CACNA2D1: variants seen among roughly 807,000 people sequenced by gnomAD.
CACNA2D1 encodes the protein voltage-dependent calcium channel subunit alpha-2/delta-1.
Under a neutral mutation model 171.5 loss-of-function variants are expected in CACNA2D1, and 53 were observed. The ratio of observed to expected loss-of-function variants is 0.31; its 90% CI spans 0.25 to 0.39. CACNA2D1 has a LOEUF of 0.39. Ranked by LOEUF, CACNA2D1 falls within the 10% of genes least tolerant of loss-of-function variation. The pLI is 1.00. For missense variants in CACNA2D1, 903 were observed against 1,299.8 expected, an observed-to-expected ratio of 0.69 and a Z score of 4.69; for synonymous variants, 442 against 443.1, an observed-to-expected ratio of 1.00 and a Z score of 0.03.
chr7:82,053,776 T>A (rs1805494917), intron 10 of CACNA2D1, among the ~76,000 whole-genome samples: 1 of 152,202 alleles, frequency 6.6e-6, no homozygotes, highest in African/African-American at 2.4e-5. Context: ...TTAATGGAGG[T>A]ATTTTAATAA....
chr7:82,303,097 C>A (rs1302983745), intron 3 of CACNA2D1, among the ~76,000 whole-genome samples: 1 of 151,906 alleles, frequency 6.6e-6, no homozygotes, highest in African/African-American at 2.4e-5. Context: ...GGGTTCATGC[C>A]ATTCTCCCGC....
At chr7:82,428,402 C>T (rs1267039028) in intron 1 of CACNA2D1, among the ~76,000 whole-genome samples, 1 of 152,110 alleles carries the variant, frequency 6.6e-6, no homozygotes, top group Admixed American at 6.6e-5. Context: ...AGCAAGGAAC[C>T]ATCTGTTGCA....
rs530395454 is a variant in CACNA2D1, at chr7:82,079,389, G to A, written c.658+5380C>T. On this transcript the variant is annotated intron_variant, in intron 7 of 38. Coordinates refer to ENST00000356860, the MANE Select transcript of CACNA2D1 (RefSeq NM_000722.4). ...CTGATTCAAGAATATAATTACTGTGGAATCTAAAAAAGTCTATCTTAGCTG... is the reference window on the plus strand; with the variant it reads ...CTGATTCAAGAATATAATTACTGTGAAATCTAAAAAAGTCTATCTTAGCTG... 2.6e-5 allele frequency among the ~76,000 whole-genome samples: 4 copies of A among 152,068 alleles called. No homozygotes were observed. In the South Asian group the frequency reaches 6.2e-4, roughly 24 times the overall value.
chr7:82,106,276 C>T (rs772658806), intron 6 of CACNA2D1, among the ~76,000 whole-genome samples: 2 of 152,120 alleles, frequency 1.3e-5, no homozygotes, highest in Admixed American at 6.5e-5. Context: ...ATCTCAAATT[C>T]CAGACCCCCA....
intron 1 of CACNA2D1, among the ~76,000 whole-genome samples, chr7:82,361,682 G>A (rs1330614710): frequency 6.6e-6 from 1 of 152,072 alleles, no homozygotes; most frequent in African/African-American, 2.4e-5. Flanking sequence ...ATAGAAGCTT[G>A]CATATCATAC....
intron 7 of CACNA2D1, among the ~76,000 whole-genome samples, chr7:82,076,206 T>G (rs2237510): frequency 0.37 from 56,374 of 151,944 alleles, 11,003 homozygotes; most frequent in Non-Finnish European, 0.43. Flanking sequence ...TTCATAATCA[T>G]GATGAAATCA....
chr7:82,435,880 GA>G (rs555091591), intron 1 of CACNA2D1, among the ~76,000 whole-genome samples: 6 of 152,168 alleles, frequency 3.9e-5, no homozygotes, highest in Non-Finnish European at 8.8e-5. Context: ...CAGGATGCAA[GA>G]AATTTATAAC....
At chr7:82,180,052 A>C (rs943152148) in intron 3 of CACNA2D1, among the ~76,000 whole-genome samples, 1 of 152,134 alleles carries the variant, frequency 6.6e-6, no homozygotes, top group Non-Finnish European at 1.5e-5. Flanking sequence ...AATTTCAATC[A>C]CCATATTGAG....
intron 38 of CACNA2D1, among the ~76,000 whole-genome samples, chr7:81,955,088 G>A (rs1793066677): frequency 1.3e-5 from 2 of 152,084 alleles, no homozygotes; most frequent in South Asian, 4.1e-4. Flanking sequence ...ATTAATAAAT[G>A]TTAGCTTTTT....
At chr7:81,995,135 T>C (rs1399550213) in intron 19 of CACNA2D1, among the ~76,000 whole-genome samples, 196 bp from the exon 20 acceptor site, 1 of 152,194 alleles carries the variant, frequency 6.6e-6, no homozygotes. Flanking sequence ...TCATTTTACA[T>C]TATTTTAAAA....
chr7:82,178,571 G>C (rs1388917163), intron 3 of CACNA2D1, among the ~76,000 whole-genome samples: 1 of 152,020 alleles, frequency 6.6e-6, no homozygotes, highest in Non-Finnish European at 1.5e-5. Flanking sequence ...TCTATAGCTG[G>C]TGTCATTCCT....
At chr7:82,030,407 G>GAAAA (rs71520796) in intron 12 of CACNA2D1, among the ~76,000 whole-genome samples, 1 of 142,160 alleles carries the variant, frequency 7.0e-6, no homozygotes, top group African/African-American at 2.6e-5. Flanking sequence ...TCCGAAACAG[G>GAAAA]AAAAAAAAAA....
intron 3 of CACNA2D1, among the ~76,000 whole-genome samples, chr7:82,275,820 C>A (rs1173966380): frequency 1.3e-5 from 2 of 152,070 alleles, no homozygotes; most frequent in Non-Finnish European, 2.9e-5. Flanking sequence ...CTTTGACAGA[C>A]AATATAGTTA....
intron 15 of CACNA2D1, 70 bp from the exon 16 acceptor site, chr7:82,007,826 T>TGACAAA (rs1433640312): frequency 3.5e-6 from 3 of 853,250 alleles, no homozygotes; most frequent in Admixed American, 1.8e-5. Context: ...TGCACTAACC[T>TGACAAA]TTGATATCTG....
chr7:82,227,055 G>T (rs931228797), intron 3 of CACNA2D1, among the ~76,000 whole-genome samples: 1 of 152,030 alleles, frequency 6.6e-6, no homozygotes, highest in Admixed American at 6.6e-5. Flanking sequence ...TTAAAATCTT[G>T]GATACAGATT....
In CACNA2D1 at chr7:82,332,514, G is replaced by GAAAGAA. The variant is rs1255910875; in HGVS notation, c.294+2615_294+2620dup. Among the ~76,000 whole-genome samples, 388 of 76,390 alleles carry GAAAGAA rather than the reference G, an allele frequency of 5.1e-3. 4 individuals carry two copies. Among genetic ancestry groups the GAAAGAA allele is most frequent in the African/African-American group, 0.019 (377 of 20,316 alleles). The allele number at this position is 76,390 out of a possible 152,430, so 50.1% of individuals were successfully genotyped here. A position where few individuals can be genotyped will look rare whatever the true frequency, so the allele number is the denominator to read the frequency against. On this transcript the variant is annotated intron_variant, in intron 3 of 38. Coordinates refer to ENST00000356860, the MANE Select transcript of CACNA2D1 (RefSeq NM_000722.4). ...CATAGAAATAAAAAAGAAATATAAA[G>GAAAGAA]AAAGAAAGAAAGAAAGAAAGAAAGA...
At chr7:82,098,822 C>T (rs1448968927) in intron 6 of CACNA2D1, among the ~76,000 whole-genome samples, 1 of 152,168 alleles carries the variant, frequency 6.6e-6, no homozygotes, top group Non-Finnish European at 1.5e-5. Context: ...TGCCAAACAT[C>T]ATCATCAGAA....
At chr7:82,275,284 A>G (rs1809181137) in intron 3 of CACNA2D1, among the ~76,000 whole-genome samples, 1 of 152,146 alleles carries the variant, frequency 6.6e-6, no homozygotes, top group African/African-American at 2.4e-5. Flanking sequence ...CCACATTTGA[A>G]CTGTTCTCTC....
intron 1 of CACNA2D1, among the ~76,000 whole-genome samples, chr7:82,437,652 G>T (rs1393251432): frequency 6.6e-6 from 1 of 152,118 alleles, no homozygotes; most frequent in Admixed American, 6.6e-5. Context: ...GTGCCGGTTT[G>T]TTGAGGCCAC....
Sources: gnomAD v4.1 joint callset for allele counts (sites outside exome capture counted in the v4.1 genomes callset) on GRCh38, gnomAD v4.1.1 for gene constraint, MANE v1.5 for transcripts, NCBI Gene and HGNC (gene_info 2026-07-23, HGNC 2026-07-21) for gene names.